TPTE2: variants seen among roughly 807,000 people sequenced by gnomAD.
TPTE2 encodes the protein transmembrane phosphoinositide 3-phosphatase and tensin homolog 2.
Under a neutral mutation model 78.6 loss-of-function variants are expected in TPTE2, and 53 were observed. The ratio of observed to expected loss-of-function variants is 0.67; its 90% confidence interval spans 0.54 to 0.85. The LOEUF (loss-of-function observed/expected upper bound fraction) is 0.85. Among genes scored for constraint, TPTE2 ranks in the 40% least tolerant of loss-of-function variants. The probability of loss-of-function intolerance (pLI) is 0.00; values close to 1 mark genes in which losing one functional copy is unlikely to be tolerated. For missense variants in TPTE2, 461 were observed against 623.0 expected, an observed-to-expected ratio of 0.74 and a Z score of 2.77; for synonymous variants, 175 against 206.2, an observed-to-expected ratio of 0.85 and a Z score of 1.30.
In TPTE2 at chr13:19,497,080, C is replaced by T. The variant is rs1226547697; in HGVS notation, c.12-3579G>A. Among the ~76,000 whole-genome samples, 7 of 152,204 alleles carry T rather than the reference C, an allele frequency of 4.6e-5. 1 individual carries two copies. The South Asian group carries it at 6.3e-4, about 14-fold the overall frequency. On this transcript the variant is annotated intron_variant, in intron 1 of 19. Coordinates refer to ENST00000400230, the Ensembl canonical transcript of TPTE2. ...TCGGGTCACTCCCACCCGAATATTG[C>T]GCTTTTCTGAGGGGCTTAAAAAACG... is the stretch of plus-strand genomic sequence containing the variant.
chr13:19,493,038 C>T, intron 2 of TPTE2, 135 bp from the exon 6 acceptor site: 2 of 1,238,518 alleles, frequency 1.6e-6, no homozygotes, highest in Admixed American at 4.3e-5. Flanking sequence ...AAAAATACTG[C>T]TTAGTAGGAA....
chr13:19,530,555 T>A (rs1181155126), intron 1 of TPTE2, among the ~76,000 whole-genome samples: 1 of 152,034 alleles, frequency 6.6e-6, no homozygotes, highest in Admixed American at 6.6e-5. Context: ...TCATATTAAT[T>A]TTTTTTTGAG....
At chr13:19,542,476 C>A in the TPTE2 span, among the ~76,000 whole-genome samples, 1 of 152,132 alleles carries the variant, frequency 6.6e-6, no homozygotes, top group Admixed American at 6.6e-5. Flanking sequence ...TCCTATTATA[C>A]TATTTCTATT....
chr13:19,435,376 G>A (rs993899660), intron 15 of TPTE2, among the ~76,000 whole-genome samples: 7 of 152,192 alleles, frequency 4.6e-5, no homozygotes, highest in East Asian at 1.9e-4. Flanking sequence ...ATGATCTGAC[G>A]ACTGAAATTT....
intron 1 of TPTE2, among the ~76,000 whole-genome samples, chr13:19,528,161 T>A (rs1870630022): frequency 1.3e-5 from 2 of 151,796 alleles, no homozygotes; most frequent in African/African-American, 4.8e-5. Flanking sequence ...GCAGGTGGAT[T>A]ACCTGAGGTC....
At chr13:19,544,979 C>T in the TPTE2 span, among the ~76,000 whole-genome samples, 5 of 142,076 alleles carry the variant, frequency 3.5e-5, no homozygotes, top group Middle Eastern at 3.6e-3. Context: ...CACACACACA[C>T]GATAGGCAGC....
chr13:19,470,941 T>G (rs954084616), intron 6 of TPTE2, among the ~76,000 whole-genome samples: 5 of 147,866 alleles, frequency 3.4e-5, no homozygotes, highest in African/African-American at 1.3e-4. Flanking sequence ...GATGGAGTCT[T>G]GCTCTGTCAC....
the TPTE2 span, among the ~76,000 whole-genome samples, chr13:19,545,251 A>G: frequency 1.3e-5 from 2 of 152,168 alleles, no homozygotes; most frequent in Non-Finnish European, 2.9e-5. Context: ...TTAAGAAGAG[A>G]GGAATCAGGT....
At chr13:19,438,897 G>A (rs1041733217) in intron 13 of TPTE2, among the ~76,000 whole-genome samples, 3 of 152,202 alleles carry the variant, frequency 2.0e-5, no homozygotes, top group African/African-American at 7.2e-5. Context: ...GGGTGTGAGA[G>A]AGGCAGACAG....
the TPTE2 span, among the ~76,000 whole-genome samples, chr13:19,544,751 A>G: frequency 2.6e-5 from 4 of 152,240 alleles, no homozygotes; most frequent in African/African-American, 9.6e-5. Context: ...CAAAAAAATT[A>G]ATTGGGCATG....
At chr13:19,558,595 T>C in the TPTE2 span, among the ~76,000 whole-genome samples, 1 of 152,250 alleles carries the variant, frequency 6.6e-6, no homozygotes, top group Non-Finnish European at 1.5e-5. Context: ...GAATGTTGCA[T>C]TCTGTGAGAC....
At chr13:19,505,948 A>C (rs547739187), upstream of TPTE2, 2 of 151,886 alleles carry the variant, frequency 1.3e-5, no homozygotes, top group East Asian at 3.9e-4. Flanking sequence ...TCTGAAAAAA[A>C]AAAATAGAAG....
chr13:19,512,573 C>G (rs1439607061), intron 1 of TPTE2, among the ~76,000 whole-genome samples: 1 of 106,694 alleles, frequency 9.4e-6, no homozygotes, highest in Non-Finnish European at 1.9e-5. Context: ...AGATAATCTG[C>G]ACAGGAAACA....
At chr13:19,506,794 T>A (rs1869082338), upstream of TPTE2, among the ~76,000 whole-genome samples, 1 of 152,190 alleles carries the variant, frequency 6.6e-6, no homozygotes, top group African/African-American at 2.4e-5. Context: ...GATGATTAAT[T>A]TTTGTTTAAG....
chr13:19,471,904 T>C (rs1271068123), intron 6 of TPTE2, among the ~76,000 whole-genome samples: 1 of 152,188 alleles, frequency 6.6e-6, no homozygotes, highest in African/African-American at 2.4e-5. Flanking sequence ...AAAGTCTTTA[T>C]TTCCCCTTCA....
intron 6 of TPTE2, among the ~76,000 whole-genome samples, chr13:19,470,791 G>A (rs1879563593): frequency 1.3e-5 from 2 of 152,080 alleles, no homozygotes; most frequent in South Asian, 4.2e-4. Flanking sequence ...CTCCCAAAGT[G>A]CTGGGATTAT....
chr13:19,479,161 T>C (rs1566058025), intron 4 of TPTE2, among the ~76,000 whole-genome samples: 1 of 151,792 alleles, frequency 6.6e-6, no homozygotes, highest in African/African-American at 2.4e-5. Flanking sequence ...AGTATAATAA[T>C]AAAAAAATGT....
the TPTE2 span, among the ~76,000 whole-genome samples, chr13:19,559,126 A>G: frequency 6.6e-6 from 1 of 152,268 alleles, no homozygotes; most frequent in Non-Finnish European, 1.5e-5. Flanking sequence ...CACCAGCGTC[A>G]ACTCTGAAAA....
intron 4 of TPTE2, among the ~76,000 whole-genome samples, chr13:19,477,227 G>C (rs1057426137): frequency 6.6e-6 from 1 of 151,856 alleles, no homozygotes; most frequent in Admixed American, 6.6e-5. Context: ...AGGGTAGGAG[G>C]AGAGAGAGGA....
Sources: gnomAD v4.1 joint callset for allele counts (sites outside exome capture counted in the v4.1 genomes callset) on GRCh38, gnomAD v4.1.1 for gene constraint, MANE v1.5 for transcripts, NCBI Gene and HGNC (gene_info 2026-07-23, HGNC 2026-07-21) for gene names.